Variants in GRIK1 observed in about 807,000 individuals in gnomAD.
GRIK1 encodes the protein glutamate receptor ionotropic, kainate 1.
In GRIK1, 69 loss-of-function variants were observed where a neutral mutation model predicts 105.7. That is an observed-to-expected ratio of 0.65 (90% CI 0.54 to 0.80). The LOEUF is 0.80. Ranked by LOEUF, GRIK1 falls within the 30% of genes least tolerant of loss-of-function variation. The pLI is 0.00. For synonymous variants in GRIK1, 438 were observed against 431.3 expected (o/e 1.02, Z -0.19); for missense variants, 1,109 against 1,167.3 (o/e 0.95, Z 0.73).
intron 14 of GRIK1, among the ~76,000 whole-genome samples, chr21:29,572,122 T>A (rs1474597363): frequency 6.6e-6 from 1 of 152,208 alleles, no homozygotes; most frequent in African/African-American, 2.4e-5. Context: ...CTGTACCTGC[T>A]GTCACTCAGT....
intron 1 of GRIK1, among the ~76,000 whole-genome samples, chr21:29,875,906 A>G (rs2069174582): frequency 1.3e-5 from 2 of 152,154 alleles, no homozygotes; most frequent in Non-Finnish European, 2.9e-5. Flanking sequence ...CCTGCTGGAA[A>G]AGCTGGAATA....
chr21:29,801,996 A>T (rs2066725192), intron 1 of GRIK1, among the ~76,000 whole-genome samples: 1 of 152,198 alleles, frequency 6.6e-6, no homozygotes, highest in Non-Finnish European at 1.5e-5. Context: ...GAAATTTCTC[A>T]TTCATATCTT....
At chr21:29,663,689 A>C (rs567657628) in intron 4 of GRIK1, among the ~76,000 whole-genome samples, 11 of 152,170 alleles carry the variant, frequency 7.2e-5, no homozygotes, top group Admixed American at 2.0e-4. Context: ...TTTTTGCAAT[A>C]CATGTTATAA....
chr21:29,916,541 A>G (rs2071005579), intron 1 of GRIK1, among the ~76,000 whole-genome samples: 1 of 151,948 alleles, frequency 6.6e-6, no homozygotes, highest in Admixed American at 6.6e-5. Context: ...ATACACATTT[A>G]ACTGAAAGGG....
At chr21:29,608,168 GC>G (rs2061659725) in intron 7 of GRIK1, among the ~76,000 whole-genome samples, 2 of 152,064 alleles carry the variant, frequency 1.3e-5, no homozygotes, top group Non-Finnish European at 2.9e-5. Context: ...ATGTTAATGA[GC>G]ATTTTGGTTT....
intron 1 of GRIK1, among the ~76,000 whole-genome samples, chr21:29,905,998 A>G (rs1198798513): frequency 6.6e-6 from 1 of 151,698 alleles, no homozygotes; most frequent in Non-Finnish European, 1.5e-5. Flanking sequence ...GAGTGTGTGT[A>G]TGCATTTTGG....
chr21:29,570,561 T>C (rs1000517291), intron 14 of GRIK1, among the ~76,000 whole-genome samples: 3 of 152,104 alleles, frequency 2.0e-5, no homozygotes, highest in Non-Finnish European at 4.4e-5. Context: ...ATTAATACAC[T>C]GACCCATAAA....
intron 6 of GRIK1, among the ~76,000 whole-genome samples, chr21:29,647,428 G>A (rs767061881): frequency 6.6e-6 from 1 of 152,106 alleles, no homozygotes; most frequent in African/African-American, 2.4e-5. Context: ...TTCTTTCATC[G>A]CTGGAGTAGC....
chr21:29,820,357 C>T (rs973134821), intron 1 of GRIK1, among the ~76,000 whole-genome samples: 3 of 152,034 alleles, frequency 2.0e-5, no homozygotes, highest in African/African-American at 7.2e-5. Flanking sequence ...ATTTATCTTT[C>T]TTGACCTATC....
intron 1 of GRIK1, among the ~76,000 whole-genome samples, chr21:29,734,521 T>C (rs1456994946): frequency 6.6e-6 from 1 of 151,946 alleles, no homozygotes; most frequent in Non-Finnish European, 1.5e-5. Context: ...CACCTCAGCC[T>C]CCTGGGTAGT....
chr21:29,720,769 T>G (rs1017381319), intron 1 of GRIK1, among the ~76,000 whole-genome samples: 1 of 152,134 alleles, frequency 6.6e-6, no homozygotes, highest in Non-Finnish European at 1.5e-5. Flanking sequence ...CAATTCACAC[T>G]CCGTTAACAT....
chr21:29,616,111 A>G lies in GRIK1; in HGVS notation c.1099-17174T>C, dbSNP rs141572642. ...CTAACACTGCACTTTCGAAAGTTAA[A>G]TCAGAAAAATGGCCAAAGAAGTATG... On this transcript the variant is annotated intron_variant, in intron 7 of 17. Coordinates refer to ENST00000327783, the MANE Select transcript of GRIK1 (RefSeq NM_001330994.2). 5.7e-3 allele frequency among the ~76,000 whole-genome samples: 869 copies of G among 152,320 alleles called. 8 individuals carry two copies. Among genetic ancestry groups the G allele is most frequent in the African/African-American group, 0.02 (835 of 41,558 alleles).
chr21:29,867,876 AAGAGAGAGAAAG>A (rs1171252089), intron 1 of GRIK1, among the ~76,000 whole-genome samples: 359 of 16,890 alleles, frequency 0.021, 3 homozygotes, highest in African/African-American at 0.062. Context: ...GAAAGAGAGA[AAGAGAGAGAAAG>A]AGAGAGAGAG....
intron 1 of GRIK1, among the ~76,000 whole-genome samples, chr21:29,877,607 A>C (rs1466613784): frequency 6.6e-6 from 1 of 152,216 alleles, no homozygotes; most frequent in Non-Finnish European, 1.5e-5. Context: ...GCAATGAATC[A>C]TACTGGAAAC....
intron 12 of GRIK1, 135 bp downstream of exon 12, chr21:29,587,231 A>G: frequency 1.9e-6 from 1 of 518,768 alleles, no homozygotes; most frequent in Non-Finnish European, 3.4e-6. Context: ...TTTTATATGG[A>G]AACCTTCCAA....
chr21:29,557,208 T>C (rs1015862156), intron 15 of GRIK1, among the ~76,000 whole-genome samples: 1 of 152,128 alleles, frequency 6.6e-6, no homozygotes, highest in African/African-American at 2.4e-5. Context: ...TTCTACTCAG[T>C]AGAAAAGTAG....
intron 1 of GRIK1, among the ~76,000 whole-genome samples, chr21:29,784,142 A>C (rs1023280756): frequency 2.0e-5 from 3 of 152,158 alleles, no homozygotes; most frequent in Non-Finnish European, 4.4e-5. Context: ...GTGAAGCTTA[A>C]CAGTAAATCA....
chr21:29,586,480 G>T (rs544081759), intron 12 of GRIK1, among the ~76,000 whole-genome samples: 1 of 152,272 alleles, frequency 6.6e-6, no homozygotes, highest in South Asian at 2.1e-4. Flanking sequence ...TTCCTGGAGG[G>T]AAAACAAAAA....
At chr21:29,539,580 A>G (rs1295050894) in intron 16 of GRIK1, among the ~76,000 whole-genome samples, 1 of 152,240 alleles carries the variant, frequency 6.6e-6, no homozygotes, top group Non-Finnish European at 1.5e-5. Context: ...TAATTTGTTA[A>G]CATTACACCA....
Sources: allele counts gnomAD v4.1 joint callset (sites outside exome capture counted in the v4.1 genomes callset), GRCh38; gene constraint gnomAD v4.1.1; transcripts MANE v1.5; gene names NCBI Gene and HGNC (gene_info 2026-07-23, HGNC 2026-07-21).